The following CNTN5 variants were observed in gnomAD, a reference collection of about 807,000 sequenced individuals.
CNTN5 encodes contactin 5.
A neutral mutation model predicts 129.1 loss-of-function variants in CNTN5; 77 were observed. That is an observed-to-expected ratio of 0.60 (90% CI 0.50 to 0.72). The LOEUF (loss-of-function observed/expected upper bound fraction) is 0.72. Ranked by LOEUF, CNTN5 falls within the 30% of genes least tolerant of loss-of-function variation. The pLI is 0.00. For synonymous variants in CNTN5, 509 were observed against 465.6 expected, an observed-to-expected ratio of 1.09 and a Z score of -1.20; for missense variants, 1,478 against 1,328.8, an observed-to-expected ratio of 1.11 and a Z score of -1.75.
chr11:99,870,898 A>G (rs1158028185), intron 6 of CNTN5, among the ~76,000 whole-genome samples: 1 of 152,220 alleles, frequency 6.6e-6, no homozygotes, highest in East Asian at 1.9e-4. Context: ...AATAACATAC[A>G]TTGAAAGCGA....
At chr11:100,070,781 CAT>C (rs1043023397) in intron 11 of CNTN5, among the ~76,000 whole-genome samples, 3 of 152,084 alleles carry the variant, frequency 2.0e-5, no homozygotes, top group African/African-American at 7.2e-5. Flanking sequence ...GAGTGAGAAA[CAT>C]AACAAATATG....
chr11:99,497,294 T>A (rs1037206761), intron 2 of CNTN5, among the ~76,000 whole-genome samples: 1 of 152,100 alleles, frequency 6.6e-6, no homozygotes, highest in East Asian at 1.9e-4. Context: ...TAGGGAGAAA[T>A]AGATTGCTTT....
At chr11:100,290,997 A>C (rs1283154164) in intron 18 of CNTN5, among the ~76,000 whole-genome samples, 1 of 151,154 alleles carries the variant, frequency 6.6e-6, no homozygotes, top group Non-Finnish European at 1.5e-5. Flanking sequence ...GCCAAAAAAC[A>C]CATGAAAAAA....
At chr11:99,121,834 A>G (rs899550544) in intron 1 of CNTN5, among the ~76,000 whole-genome samples, 3 of 152,174 alleles carry the variant, frequency 2.0e-5, no homozygotes, top group African/African-American at 7.2e-5. Context: ...TTAAGCAACA[A>G]TAATGCAGGC....
chr11:100,050,677 A>C (rs1198865981), intron 9 of CNTN5, among the ~76,000 whole-genome samples: 1 of 151,924 alleles, frequency 6.6e-6, no homozygotes, highest in Admixed American at 6.6e-5. Context: ...ATAATATACT[A>C]TCTGCAAGAA....
intron 3 of CNTN5, among the ~76,000 whole-genome samples, chr11:99,675,537 T>G (rs1263941290): frequency 1.3e-5 from 2 of 151,970 alleles, no homozygotes; most frequent in Non-Finnish European, 2.9e-5. Flanking sequence ...TAAAAGATAT[T>G]AGCTGGGCAT....
intron 7 of CNTN5, among the ~76,000 whole-genome samples, chr11:99,917,055 C>A: frequency 6.6e-6 from 1 of 151,992 alleles, no homozygotes; most frequent in Admixed American, 6.6e-5. Context: ...TTTTTAATAA[C>A]AAAATGGCCT....
chr11:99,600,013 T>C (rs1454959393), intron 3 of CNTN5, among the ~76,000 whole-genome samples: 1 of 152,100 alleles, frequency 6.6e-6, no homozygotes, highest in African/African-American at 2.4e-5. Context: ...TTTTAAGAAC[T>C]GATACGAGGA....
intron 2 of CNTN5, among the ~76,000 whole-genome samples, chr11:99,363,446 CTCACATTTACA>C (rs1211557437): frequency 6.6e-6 from 1 of 152,042 alleles, no homozygotes; most frequent in African/African-American, 2.4e-5. Flanking sequence ...TTATTTGATA[CTCACATTTACA>C]TCAGATGTGT....
intron 3 of CNTN5, among the ~76,000 whole-genome samples, chr11:99,720,735 A>G (rs1001177459): frequency 2.0e-5 from 3 of 152,194 alleles, no homozygotes; most frequent in Non-Finnish European, 2.9e-5. Context: ...ACATGATTCT[A>G]TAGCAGGAAA....
intron 23 of CNTN5, among the ~76,000 whole-genome samples, chr11:100,345,263 G>C (rs1176192865): frequency 6.6e-6 from 1 of 152,114 alleles, no homozygotes; most frequent in Non-Finnish European, 1.5e-5. Flanking sequence ...TCCTCAAGAG[G>C]GGAGGAACAC....
intron 7 of CNTN5, among the ~76,000 whole-genome samples, chr11:99,940,875 C>A (rs1022326773): frequency 6.6e-6 from 1 of 151,108 alleles, no homozygotes; most frequent in Non-Finnish European, 1.5e-5. Flanking sequence ...AAAAGTAATG[C>A]AAAACTGTAC....
intron 7 of CNTN5, among the ~76,000 whole-genome samples, chr11:99,930,777 A>AC: frequency 9.1e-6 from 1 of 109,972 alleles, no homozygotes; most frequent in African/African-American, 3.5e-5. Context: ...CAGTAGATAA[A>AC]AATAAACACA....
At chr11:99,208,650 T>C (rs1859605171) in intron 1 of CNTN5, among the ~76,000 whole-genome samples, 1 of 152,152 alleles carries the variant, frequency 6.6e-6, no homozygotes, top group African/African-American at 2.4e-5. Flanking sequence ...GTCAGAATTA[T>C]TTTGTTTATT....
intron 2 of CNTN5, among the ~76,000 whole-genome samples, chr11:99,444,737 GTA>G (rs1196557590): frequency 6.6e-6 from 1 of 151,868 alleles, no homozygotes; most frequent in African/African-American, 2.4e-5. Flanking sequence ...TGGCCTGTGT[GTA>G]TATATGCATC....
chr11:99,505,985 G>A (rs891211136), intron 2 of CNTN5, among the ~76,000 whole-genome samples: 1 of 152,170 alleles, frequency 6.6e-6, no homozygotes, highest in Non-Finnish European at 1.5e-5. Flanking sequence ...AAGTCATAAC[G>A]GATCAGGTAC....
At chr11:99,841,803 G>GT (rs10669012) in intron 4 of CNTN5, among the ~76,000 whole-genome samples, 31,705 of 89,306 alleles carry the variant, frequency 0.36, 4,223 homozygotes, top group African/African-American at 0.51. Flanking sequence ...ATATATATGT[G>GT]GTGTGTGTGT....
In CNTN5 at chr11:99,861,745, A is replaced by G. The variant is rs1313605492; in HGVS notation, c.577+16483A>G. 2.0e-5 allele frequency among the ~76,000 whole-genome samples: 3 copies of G among 152,352 alleles called. No homozygotes were observed. The East Asian group carries it at 5.8e-4, about 29-fold the overall frequency. On this transcript the variant is annotated intron_variant, in intron 6 of 24. Coordinates refer to ENST00000524871, the MANE Select transcript of CNTN5 (RefSeq NM_014361.4). Reference sequence around the variant, plus strand: ...ATTTAACTTGGTTTTAGCTTCTAAAATAAGCACAATCCAGCCTATTGTGAT... The same window carrying G: ...ATTTAACTTGGTTTTAGCTTCTAAAGTAAGCACAATCCAGCCTATTGTGAT...
At chr11:99,689,450 C>A (rs1953939859) in intron 3 of CNTN5, among the ~76,000 whole-genome samples, 1 of 136,896 alleles carries the variant, frequency 7.3e-6, no homozygotes, top group Non-Finnish European at 1.5e-5. Context: ...TAGCGTGAAC[C>A]CGGGAGGTGG....
Sources: allele counts gnomAD v4.1 joint callset (sites outside exome capture counted in the v4.1 genomes callset), GRCh38; gene constraint gnomAD v4.1.1; transcripts MANE v1.5; gene names NCBI Gene and HGNC (gene_info 2026-07-23, HGNC 2026-07-21).